NTSR1: variants seen among roughly 807,000 people sequenced by gnomAD.
NTSR1 encodes neurotensin receptor type 1.
In NTSR1, 29 loss-of-function variants were observed where a neutral mutation model predicts 31.2. The ratio of observed to expected loss-of-function variants is 0.93; its 90% CI spans 0.69 to 1.27. The LOEUF is 1.27. Ranked by LOEUF, NTSR1 falls within the 50% of genes most tolerant of loss-of-function variation. NTSR1 has a pLI of 0.00. For missense variants in NTSR1, 697 were observed against 595.4 expected, an observed-to-expected ratio of 1.17 and a Z score of -1.78; for synonymous variants, 282 against 269.9, an observed-to-expected ratio of 1.04 and a Z score of -0.44.
intron 1 of NTSR1, 125 bp from the exon 2 acceptor site, chr20:62,754,560 C>G: frequency 1.3e-6 from 1 of 794,480 alleles, no homozygotes; most frequent in South Asian, 1.5e-5. Context: ...ACCTCCTGAA[C>G]TTGTGTTGAC....
At chr20:62,726,129 G>A (rs1015059708) in intron 1 of NTSR1, among the ~76,000 whole-genome samples, 7 of 152,292 alleles carry the variant, frequency 4.6e-5, no homozygotes, top group African/African-American at 1.4e-4. Context: ...ATTCCAGCCC[G>A]AGGGGTGAGC....
intron 1 of NTSR1, among the ~76,000 whole-genome samples, chr20:62,754,006 T>C (rs769824348): frequency 5.9e-5 from 9 of 151,846 alleles, no homozygotes; most frequent in Non-Finnish European, 1.0e-4. Flanking sequence ...TGCGCTGGAG[T>C]CTTTGGGCAG....
Position 62,760,368 on chromosome 20 carries a change from A to G in NTSR1, c.*101A>G, listed in dbSNP as rs973606970. 1 of 1,378,510 alleles carries G rather than the reference A, an allele frequency of 7.3e-7. No individual in the cohort carries two copies. The highest frequency in any genetic ancestry group is 2.2e-5 in the Admixed American group (1 of 44,762). 85.4% of individuals were successfully genotyped at this position (1,378,510 alleles called of 1,614,324 possible). A position where few individuals can be genotyped will look rare whatever the true frequency, so the allele number is the denominator to read the frequency against. ...CCGGGAGCCTTGATGGGGGTCAGGC[A>G]GAGGCCAGCCTGCACTGGAGTCTGA... On this transcript the variant is annotated 3_prime_UTR_variant, in exon 4 of 4. Transcript: ENST00000370501.
At chr20:62,738,095 T>A (rs1286322862) in intron 1 of NTSR1, among the ~76,000 whole-genome samples, 1 of 71,036 alleles carries the variant, frequency 1.4e-5, no homozygotes, top group Non-Finnish European at 2.3e-5. Context: ...CTATGCCAGG[T>A]GCCTTGGATG....
intron 1 of NTSR1, among the ~76,000 whole-genome samples, chr20:62,750,355 A>G (rs1001868529): frequency 2.6e-5 from 4 of 152,174 alleles, no homozygotes; most frequent in Non-Finnish European, 5.9e-5. Context: ...AGGCGAGTAC[A>G]TTCCGGAGCT....
chr20:62,742,765 C>G lies in NTSR1; in HGVS notation c.715-11920C>G, dbSNP rs1419969836. The stretch of plus-strand genomic sequence containing the variant: ...CGCTGGGCTGTGTCACCTTAAAGAC[C>G]CCTTTGCTCTCTTGGCCCTGGCACC... On this transcript the variant is annotated intron_variant, in intron 1 of 3. Transcript: ENST00000370501. The surrounding 1 kb of genome is among the most constrained non-coding windows in gnomAD (Gnocchi z 7.1). 6.7e-6 allele frequency among the ~76,000 whole-genome samples: 1 copy of G among 149,032 alleles called. No homozygotes were observed. Among genetic ancestry groups the G allele is most frequent in the Non-Finnish European group, 1.5e-5 (1 of 67,980 alleles).
At chr20:62,724,434 A>G (rs1182391030) in intron 1 of NTSR1, among the ~76,000 whole-genome samples, 1 of 24,642 alleles carries the variant, frequency 4.1e-5, no homozygotes, top group Non-Finnish European at 1.2e-4. Context: ...GCACTCAGAC[A>G]AGGTGCAGGG....
rs561919524 is a variant in NTSR1, at chr20:62,739,137, C to T, written c.715-15548C>T. ...CATGTCGTGTGGCGCCGTTGGGGAC[C>T]CGTTGGGCTCTTGAGACTGAACCGG... is the stretch of plus-strand genomic sequence containing the variant. On this transcript the variant is annotated intron_variant, in intron 1 of 3. Transcript: ENST00000370501. Among the ~76,000 whole-genome samples, 20 of 152,300 alleles carry T rather than the reference C, an allele frequency of 1.3e-4. No homozygotes were observed. In the South Asian group the frequency reaches 4.1e-3, roughly 32 times the overall value.
chr20:62,755,178 A>C (rs954267967), intron 2 of NTSR1, among the ~76,000 whole-genome samples: 89 of 45,846 alleles, frequency 1.9e-3, no homozygotes, highest in African/African-American at 2.2e-3. Context: ...CTATCCCTCC[A>C]CCCCTCCCTC....
chr20:62,754,712 C>A lies in NTSR1; in HGVS notation c.742C>A (p.Pro248Thr), dbSNP rs748388047. ...CAACACCTTCATGTCCTTCATATTC[C>A]CCATGGTGGTCATCTCGGTCCTGAA... ...QVNTFMSFIF[P>T]MVVISVLNTI... The change falls in exon 2 of 4, where the codon CCC (proline) becomes ACC (threonine). Residue 248 changes from proline (P) to threonine (T), a missense_variant. Coordinates refer to ENST00000370501, the MANE Select transcript of NTSR1 (RefSeq NM_002531.3). The A allele has an allele frequency of 1.5e-5, 24 of 1,612,700 alleles. No homozygotes were observed. The highest frequency in any genetic ancestry group is 2.0e-5 in the Non-Finnish European group (24 of 1,179,790).
chr20:62,712,060 C>T (rs1019035332), intron 1 of NTSR1, among the ~76,000 whole-genome samples: 2 of 152,210 alleles, frequency 1.3e-5, no homozygotes, highest in Non-Finnish European at 2.9e-5. Context: ...CTCCTCCATC[C>T]GATGCTGATG....
At position 62,762,364 on chromosome 20, in the gene NTSR1, T is replaced by G. The variant is rs1377652906; in HGVS notation, c.*2097T>G. On this transcript the variant is annotated 3_prime_UTR_variant, in exon 4 of 4. Coordinates refer to ENST00000370501, the MANE Select transcript of NTSR1 (RefSeq NM_002531.3). ...AGAATGGTGTCTCTCAGGATGGTGC[T>G]CTGAGAGAGGGCAGAGTGGATGCCC... is the stretch of plus-strand genomic sequence containing the variant. 1 of 152,164 alleles carries G rather than the reference T, an allele frequency of 6.6e-6. No homozygotes were observed. The highest frequency in any genetic ancestry group is 1.5e-5 in the Non-Finnish European group (1 of 68,036). The allele number at this position is 152,164 out of a possible 1,614,324, so 9.4% of individuals were successfully genotyped here. A position where few individuals can be genotyped will look rare whatever the true frequency, so the allele number is the denominator to read the frequency against.
At position 62,760,105 on chromosome 20, in the gene NTSR1, C is replaced by T; in HGVS notation, c.1095C>T (p.Asn365=). ...CCACCATCAACCCCATCCTGTACAACCTCGTCTCTGCCAACTTCCGCCACA... is the reference window on the plus strand; with the variant it reads ...CCACCATCAACCCCATCCTGTACAATCTCGTCTCTGCCAACTTCCGCCACA... ...VSSTINPILY[N]LVSANFRHIF... The change falls in exon 4 of 4, where the codon AAC becomes AAT. Residue 365 remains asparagine (N), a synonymous_variant. Coordinates refer to ENST00000370501, the MANE Select transcript of NTSR1 (RefSeq NM_002531.3). 6.2e-7 allele frequency: 1 copy of T among 1,614,204 alleles called. No homozygotes were observed. The highest frequency in any genetic ancestry group is 8.5e-7 in the Non-Finnish European group (1 of 1,180,046).
intron 1 of NTSR1, among the ~76,000 whole-genome samples, chr20:62,747,806 A>G (rs887655521): frequency 2.0e-5 from 3 of 152,368 alleles, no homozygotes; most frequent in East Asian, 1.9e-4. Flanking sequence ...AACACATTCA[A>G]TAAAGTTGCA....
In NTSR1 at chr20:62,709,473, C is replaced by G. The variant is rs372683438; in HGVS notation, c.266C>G (p.Ala89Gly). 6.2e-7 allele frequency: 1 copy of G among 1,612,562 alleles called. No individual in the cohort carries two copies. Among genetic ancestry groups the G allele is most frequent in the East Asian group, 2.2e-5 (1 of 44,860 alleles). ...AACACGGTGACGGCGTTCACGCTGGCGCGGAAGAAGTCGCTGCAGAGCCTG... is the reference window on the plus strand; with the variant it reads ...AACACGGTGACGGCGTTCACGCTGGGGCGGAAGAAGTCGCTGCAGAGCCTG... ...VGNTVTAFTL[A>G]RKKSLQSLQS... is the part of the protein sequence containing the mutation. Residue 89 changes from alanine (A) to glycine (G), a missense_variant, in exon 1 of 4, where the codon GCG (alanine) becomes GGG (glycine). Physicochemically the swap from Ala to Gly is moderately conservative, Grantham distance 60. Transcript: ENST00000370501.
intron 1 of NTSR1, among the ~76,000 whole-genome samples, chr20:62,729,204 T>A (rs1354275037): frequency 6.6e-6 from 1 of 152,218 alleles, no homozygotes; most frequent in East Asian, 1.9e-4. Flanking sequence ...AGTGGCTATC[T>A]GCATGGTCAA....
At position 62,760,076 on chromosome 20, in the gene NTSR1, A is replaced by G. The variant is rs2147151213; in HGVS notation, c.1066A>G (p.Ser356Gly). Reference protein sequence around the residue: ...YMVTNALFYVSSTINPILYNL... With the variant: ...YMVTNALFYVGSTINPILYNL... ...GGTGACCAACGCACTCTTCTACGTC[A>G]GCTCCACCATCAACCCCATCCTGTA... is the stretch of plus-strand genomic sequence containing the variant. The change falls in exon 4 of 4, where the codon AGC becomes GGC. Residue 356 changes from serine to glycine, a missense_variant. Coordinates refer to ENST00000370501, the MANE Select transcript of NTSR1 (RefSeq NM_002531.3). 2 of 1,614,014 alleles carry G rather than the reference A, an allele frequency of 1.2e-6. No individual in the cohort carries two copies. The highest frequency in any genetic ancestry group is 1.6e-4 in the Middle Eastern group (1 of 6,062).
In NTSR1 at chr20:62,745,790, A is replaced by G. The variant is rs917917608; in HGVS notation, c.715-8895A>G. On this transcript the variant is annotated intron_variant, in intron 1 of 3. Coordinates refer to ENST00000370501, the MANE Select transcript of NTSR1 (RefSeq NM_002531.3). This position sits in a 1 kb window ranked among gnomAD's most constrained non-coding sequence, Gnocchi z 4.1. ...CCCCAGGGCTTCCCTGCTGTTGGCCATGACCCTCCCCTGCTGCTTGGAATT... is the reference window on the plus strand; with the variant it reads ...CCCCAGGGCTTCCCTGCTGTTGGCCGTGACCCTCCCCTGCTGCTTGGAATT... 3.3e-5 allele frequency among the ~76,000 whole-genome samples: 5 copies of G among 152,196 alleles called. No homozygotes were observed. Among genetic ancestry groups the G allele is most frequent in the Non-Finnish European group, 7.3e-5 (5 of 68,034 alleles).
rs1392989686 is a variant in NTSR1 at position 62,715,706 on chromosome 20, G to T, written c.714+5785G>T. 2.0e-5 allele frequency among the ~76,000 whole-genome samples: 3 copies of T among 152,232 alleles called. No individual in the cohort carries two copies. Among genetic ancestry groups the T allele is most frequent in the African/African-American group, 7.2e-5 (3 of 41,462 alleles). The stretch of plus-strand genomic sequence containing the variant: ...CAACTCCAAGGACAAATGGGGTCCT[G>T]GGGCTGTGCCTGCAGTTCTGTGGGT... On this transcript the variant is annotated intron_variant, in intron 1 of 3. Coordinates refer to ENST00000370501, the MANE Select transcript of NTSR1 (RefSeq NM_002531.3). This position sits in a 1 kb window ranked among gnomAD's most constrained non-coding sequence, Gnocchi z 4.7.
Sources: allele counts gnomAD v4.1 joint callset (sites outside exome capture counted in the v4.1 genomes callset), GRCh38; gene constraint gnomAD v4.1.1; non-coding constraint Gnocchi (gnomAD v3.1); transcripts MANE v1.5; gene names NCBI Gene and HGNC (gene_info 2026-07-23, HGNC 2026-07-21).